The following FREM1 variants were observed in gnomAD, a reference collection of about 807,000 sequenced individuals.
FREM1 encodes FRAS1-related extracellular matrix protein 1.
A neutral mutation model predicts 210.1 loss-of-function variants in FREM1; 220 were observed. The ratio of observed to expected loss-of-function variants is 1.05; its 90% CI spans 0.94 to 1.17. FREM1 has a LOEUF of 1.17. FREM1 is among the 50% of genes most tolerant of loss of function. The pLI is 0.00. For missense variants in FREM1, 3,454 were observed against 2,675.5 expected (o/e 1.29, Z -6.42); for synonymous variants, 1,189 against 980.2 (o/e 1.21, Z -3.98).
chr9:14,803,619 T>G (rs1817767062), intron 19 of FREM1, among the ~76,000 whole-genome samples: 2 of 152,274 alleles, frequency 1.3e-5, no homozygotes, highest in South Asian at 4.1e-4. Context: ...TCCTCCTGCT[T>G]CAGCCTCCCA....
chr9:14,869,640 G>T (rs1264292193), intron 1 of FREM1, among the ~76,000 whole-genome samples: 5 of 152,076 alleles, frequency 3.3e-5, no homozygotes, highest in African/African-American at 7.2e-5. Flanking sequence ...TTTTTTCAGA[G>T]AGCTGATAGG....
chr9:14,841,175 G>A (rs1029337619), intron 10 of FREM1, among the ~76,000 whole-genome samples: 1 of 152,076 alleles, frequency 6.6e-6, no homozygotes, highest in African/African-American at 2.4e-5. Flanking sequence ...TTGAGTGTCG[G>A]GAGACAAGCA....
intron 21 of FREM1, among the ~76,000 whole-genome samples, chr9:14,796,455 G>A (rs1407776012): frequency 6.6e-6 from 1 of 152,126 alleles, no homozygotes; most frequent in East Asian, 1.9e-4. Context: ...AGAAATGGCT[G>A]GGGCTATAGA....
intron 1 of FREM1, among the ~76,000 whole-genome samples, chr9:14,871,877 C>T (rs1244351692): frequency 1.3e-5 from 2 of 152,314 alleles, no homozygotes; most frequent in South Asian, 2.1e-4. Context: ...CAGCTTTGTA[C>T]ATATGGCTAG....
chr9:14,774,126 T>C (rs528273273), intron 25 of FREM1: 1 of 518,908 alleles, frequency 1.9e-6, no homozygotes, highest in Non-Finnish European at 3.8e-6. Context: ...TTTGCATTTT[T>C]TGGACCTCCT....
intron 1 of FREM1, among the ~76,000 whole-genome samples, chr9:14,872,718 G>A (rs1296940444): frequency 2.0e-5 from 3 of 150,078 alleles, no homozygotes; most frequent in Non-Finnish European, 3.0e-5. Flanking sequence ...GAATAGGAGT[G>A]GTGAGAGAGG....
intron 30 of FREM1, among the ~76,000 whole-genome samples, 155 bp downstream of exon 30, chr9:14,749,972 C>T (rs1843065535): frequency 6.6e-6 from 1 of 152,134 alleles, no homozygotes; most frequent in African/African-American, 2.4e-5. Context: ...GAAGCAGAAA[C>T]CAGAATAAAG....
intron 29 of FREM1, among the ~76,000 whole-genome samples, chr9:14,754,714 A>G (rs1843981822): frequency 6.6e-6 from 1 of 152,106 alleles, no homozygotes; most frequent in Non-Finnish European, 1.5e-5. Flanking sequence ...TAGGCAGATC[A>G]CAAAGTCAGG....
chr9:14,781,922 C>A (rs1587937186), intron 24 of FREM1, among the ~76,000 whole-genome samples: 1 of 152,314 alleles, frequency 6.6e-6, no homozygotes, highest in East Asian at 1.9e-4. Flanking sequence ...CCAGGCTGGT[C>A]TCGAACTCCT....
In FREM1 at chr9:14,861,254, T is replaced by TATATAC. The variant is rs1564107601; in HGVS notation, c.330-1776_330-1771dup. ...ACACATATATACACACATATATACATATATACACATATACACATATATACA... is the reference window on the plus strand; with the variant it reads ...ACACATATATACACACATATATACATATATACATATACACATATACACATATATACA... On this transcript the variant is annotated intron_variant, in intron 3 of 36. Transcript: ENST00000380880. Among the ~76,000 whole-genome samples the TATATAC allele has an allele frequency of 8.2e-3, 539 of 65,808 alleles. 57 individuals carry two copies. The highest frequency in any genetic ancestry group is 0.052 in the African/African-American group (517 of 9,858). The allele number at this position is 65,808 out of a possible 152,430, so 43.2% of individuals were successfully genotyped here. A position where few individuals can be genotyped will look rare whatever the true frequency, so the allele number is the denominator to read the frequency against.
chr9:14,780,128 C>T (rs1849415664), intron 24 of FREM1, among the ~76,000 whole-genome samples: 1 of 152,110 alleles, frequency 6.6e-6, no homozygotes, highest in African/African-American at 2.4e-5. Flanking sequence ...AAAGCCATTG[C>T]TATGTTGGTA....
intron 11 of FREM1, 61 bp from the exon 12 acceptor site, chr9:14,824,176 T>C (rs1821892926): frequency 9.8e-7 from 1 of 1,024,428 alleles, no homozygotes; most frequent in South Asian, 1.4e-5. Context: ...TGAAATCGAA[T>C]AGCCCACAAT....
intron 17 of FREM1, among the ~76,000 whole-genome samples, chr9:14,807,302 T>G (rs1192720550): frequency 6.6e-6 from 1 of 152,234 alleles, no homozygotes; most frequent in Non-Finnish European, 1.5e-5. Flanking sequence ...TGAGAGCTAT[T>G]ATGAATTGCT....
intron 22 of FREM1, chr9:14,791,237 C>T (rs1208751823): frequency 2.0e-5 from 3 of 152,148 alleles, no homozygotes; most frequent in African/African-American, 7.2e-5. Flanking sequence ...CTGAATCAGA[C>T]TGAAATTTTG....
intron 1 of FREM1, among the ~76,000 whole-genome samples, chr9:14,888,489 C>T (rs1379320739): frequency 6.6e-6 from 1 of 152,200 alleles, no homozygotes; most frequent in Non-Finnish European, 1.5e-5. Flanking sequence ...TAATGTTTCA[C>T]TAGAAACAAT....
intron 34 of FREM1, among the ~76,000 whole-genome samples, 194 bp from the exon 35 acceptor site, chr9:14,746,662 C>T (rs1016139230): frequency 2.0e-5 from 3 of 152,190 alleles, no homozygotes; most frequent in African/African-American, 4.8e-5. Context: ...CAGTCAGCAA[C>T]GTTTCATTGT....
intron 16 of FREM1, among the ~76,000 whole-genome samples, chr9:14,812,236 G>C (rs1819530161): frequency 6.6e-6 from 1 of 152,176 alleles, no homozygotes; most frequent in South Asian, 2.1e-4. Context: ...AATGCCACCT[G>C]GGTGACAACA....
intron 27 of FREM1, among the ~76,000 whole-genome samples, chr9:14,765,781 G>A (rs1846281678): frequency 6.6e-6 from 1 of 152,206 alleles, no homozygotes. Flanking sequence ...GAATCAGAGT[G>A]CAGAACCGGA....
intron 2 of FREM1, among the ~76,000 whole-genome samples, chr9:14,865,060 G>T (rs1033374792): frequency 1.3e-5 from 2 of 152,134 alleles, no homozygotes; most frequent in Non-Finnish European, 2.9e-5. Flanking sequence ...TAAAACAAAG[G>T]AGAGCTAAAT....
Sources: gnomAD v4.1 joint callset for allele counts (sites outside exome capture counted in the v4.1 genomes callset) on GRCh38, gnomAD v4.1.1 for gene constraint, MANE v1.5 for transcripts, NCBI Gene and HGNC (gene_info 2026-07-23, HGNC 2026-07-21) for gene names.